Variants in DGKI observed in about 807,000 individuals in gnomAD.
The protein encoded by DGKI is diacylglycerol kinase iota, also known as DAG kinase iota.
DGKI carries 55 observed loss-of-function variants against 147.5 expected under a neutral mutation model. That is an observed-to-expected ratio of 0.37 (90% CI 0.30 to 0.47). The LOEUF is 0.47. Ranked by LOEUF, DGKI falls within the 20% of genes least tolerant of loss-of-function variation. The probability of loss-of-function intolerance (pLI) is 1.00; values close to 1 mark genes in which losing one functional copy is unlikely to be tolerated. For missense variants in DGKI, 1,007 were observed against 1,323.8 expected (o/e 0.76, Z 3.71); for synonymous variants, 469 against 477.1 (o/e 0.98, Z 0.22).
chr7:137,419,837 A>C (rs117645189), intron 28 of DGKI, among the ~76,000 whole-genome samples: 306 of 152,368 alleles, frequency 2.0e-3, no homozygotes, highest in Non-Finnish European at 3.9e-3. Context: ...AATAAAAGTT[A>C]AACTACTGAA....
intron 1 of DGKI, among the ~76,000 whole-genome samples, chr7:137,736,936 C>T (rs955854729): frequency 6.6e-6 from 1 of 151,942 alleles, no homozygotes; most frequent in African/African-American, 2.4e-5. Context: ...ATGACTGTGG[C>T]TTTAAATAAT....
At chr7:137,472,391 ATT>A (rs1815005231) in intron 23 of DGKI, among the ~76,000 whole-genome samples, 1 of 4,796 alleles carries the variant, frequency 2.1e-4, no homozygotes, top group African/African-American at 6.0e-4. Context: ...ATATATACAT[ATT>A]ATAATTATTA....
intron 6 of DGKI, among the ~76,000 whole-genome samples, chr7:137,639,379 A>G (rs1821539451): frequency 6.6e-6 from 1 of 152,208 alleles, no homozygotes; most frequent in Non-Finnish European, 1.5e-5. Context: ...TCTGAGGACC[A>G]TCTGATCAGG....
chr7:137,810,848 C>A (rs7789830), intron 1 of DGKI, among the ~76,000 whole-genome samples: 51,269 of 151,932 alleles, frequency 0.34, 10,675 homozygotes, highest in Middle Eastern at 0.55. Flanking sequence ...GTTAGGTGGC[C>A]CCACTCAAAT....
intron 1 of DGKI, among the ~76,000 whole-genome samples, chr7:137,692,112 C>T (rs1487537890): frequency 6.6e-6 from 1 of 152,152 alleles, no homozygotes; most frequent in Non-Finnish European, 1.5e-5. Context: ...AAGAAAGTAA[C>T]AGTGGAAGAA....
At chr7:137,500,394 C>T (rs1816128216) in intron 21 of DGKI, among the ~76,000 whole-genome samples, 1 of 152,110 alleles carries the variant, frequency 6.6e-6, no homozygotes, top group South Asian at 2.1e-4. Flanking sequence ...TTAATTTTGT[C>T]TTCTATACTT....
intron 1 of DGKI, among the ~76,000 whole-genome samples, chr7:137,718,757 AGAAGACGGC>A (rs1469294082): frequency 6.6e-6 from 1 of 152,190 alleles, no homozygotes; most frequent in African/African-American, 2.4e-5. Flanking sequence ...GCAACAAAGG[AGAAGACGGC>A]CTCCTCTCCA....
intron 27 of DGKI, among the ~76,000 whole-genome samples, chr7:137,453,929 T>C (rs933294584): frequency 6.6e-6 from 1 of 151,960 alleles, no homozygotes; most frequent in Non-Finnish European, 1.5e-5. Flanking sequence ...ATCTTGTTTT[T>C]TTTTTTTTTA....
chr7:137,767,752 T>C (rs1164767487), intron 1 of DGKI, among the ~76,000 whole-genome samples: 2 of 152,212 alleles, frequency 1.3e-5, no homozygotes, highest in African/African-American at 4.8e-5. Context: ...TACATGACTT[T>C]GGAAAGTTAG....
intron 21 of DGKI, among the ~76,000 whole-genome samples, chr7:137,491,163 CTG>C (rs1336981380): frequency 5.3e-5 from 8 of 152,284 alleles, no homozygotes; most frequent in Admixed American, 3.3e-4. Flanking sequence ...GGCTTGCAAA[CTG>C]GCAGTACCGG....
At chr7:137,597,795 C>T (rs1819848371) in intron 12 of DGKI, 52 bp downstream of exon 12, 1 of 1,557,574 alleles carries the variant, frequency 6.4e-7, no homozygotes, top group South Asian at 1.1e-5. Flanking sequence ...CACAAGAAAA[C>T]AATAAGAAAG....
chr7:137,782,958 T>A (rs547775485), intron 1 of DGKI, among the ~76,000 whole-genome samples: 160 of 152,316 alleles, frequency 1.1e-3, no homozygotes, highest in Non-Finnish European at 2.0e-3. Flanking sequence ...GAGCACCCCG[T>A]GGGACAAATG....
chr7:137,406,174 CA>C (rs35838867), intron 30 of DGKI, among the ~76,000 whole-genome samples: 32,943 of 152,004 alleles, frequency 0.22, 4,186 homozygotes, highest in Middle Eastern at 0.31. Flanking sequence ...ATCAAGAAGA[CA>C]GCAAATAGGA....
intron 9 of DGKI, 39 bp from the exon 10 acceptor site, chr7:137,609,103 T>C (rs751269843): frequency 1.3e-6 from 2 of 1,566,636 alleles, no homozygotes; most frequent in Non-Finnish European, 1.8e-6. Context: ...TACACATCCA[T>C]GGCTTGAAAG....
intron 1 of DGKI, among the ~76,000 whole-genome samples, chr7:137,719,729 G>A (rs1794488595): frequency 6.6e-6 from 1 of 152,100 alleles, no homozygotes; most frequent in African/African-American, 2.4e-5. Flanking sequence ...CTCTCTAGCT[G>A]GAATTTACCT....
chr7:137,452,638 CA>C (rs1814016857), intron 27 of DGKI, among the ~76,000 whole-genome samples: 1 of 152,134 alleles, frequency 6.6e-6, no homozygotes, highest in African/African-American at 2.4e-5. Flanking sequence ...AGAACCACAG[CA>C]AAAAGACCAC....
At chr7:137,523,184 G>A (rs991075585) in intron 20 of DGKI, among the ~76,000 whole-genome samples, 2 of 151,824 alleles carry the variant, frequency 1.3e-5, no homozygotes, top group Non-Finnish European at 2.9e-5. Flanking sequence ...ACAATATTAG[G>A]ACACCCCTCT....
rs1811298020 is a variant in DGKI, at chr7:137,389,961, C to G, written c.*1259G>C. ...CATCCTTCTGAATGATCCAGGCATC[C>G]CATAAATCTGGCAGTGGAACTCATA... is the stretch of plus-strand genomic sequence containing the variant. On this transcript the variant is annotated 3_prime_UTR_variant, in exon 33 of 33. Transcript: ENST00000614521. 6.6e-6 allele frequency: 1 copy of G among 152,144 alleles called. No individual in the cohort carries two copies. Among genetic ancestry groups the G allele is most frequent in the South Asian group, 2.1e-4 (1 of 4,820 alleles). The allele number at this position is 152,144 out of a possible 1,614,324, so 9.4% of individuals were successfully genotyped here.
chr7:137,496,191 AAC>A (rs77395563), intron 21 of DGKI, among the ~76,000 whole-genome samples: 4,223 of 152,232 alleles, frequency 0.028, 88 homozygotes, highest in Non-Finnish European at 0.04. Flanking sequence ...CAAAATAAAA[AAC>A]ACAATCCTAT....
Sources: allele counts gnomAD v4.1 joint callset (sites outside exome capture counted in the v4.1 genomes callset), GRCh38; gene constraint gnomAD v4.1.1; transcripts MANE v1.5; gene names NCBI Gene and HGNC (gene_info 2026-07-23, HGNC 2026-07-21).